Variants in PTPRR observed in about 807,000 individuals in gnomAD.
PTPRR encodes the protein receptor-type tyrosine-protein phosphatase R.
Under a neutral mutation model 77.2 loss-of-function variants are expected in PTPRR, and 38 were observed. The ratio of observed to expected loss-of-function variants is 0.49; its 90% CI spans 0.38 to 0.65. PTPRR has a LOEUF of 0.65. Among genes scored for constraint, PTPRR ranks in the 30% least tolerant of loss-of-function variants. The pLI is 0.00. For missense variants in PTPRR, 744 were observed against 799.2 expected (o/e 0.93, Z 0.83); for synonymous variants, 299 against 283.1 (o/e 1.06, Z -0.57).
intron 10 of PTPRR, among the ~76,000 whole-genome samples, chr12:70,676,921 A>T (rs1887470765): frequency 6.6e-6 from 1 of 151,656 alleles, no homozygotes; most frequent in Non-Finnish European, 1.5e-5. Flanking sequence ...GCTTCATACA[A>T]ATTTTAGGAT....
chr12:70,872,175 GA>G (rs1179009595), intron 2 of PTPRR, among the ~76,000 whole-genome samples: 1 of 151,848 alleles, frequency 6.6e-6, no homozygotes, highest in Non-Finnish European at 1.5e-5. Context: ...AATGTAAACA[GA>G]AATTACATTT....
intron 6 of PTPRR, among the ~76,000 whole-genome samples, chr12:70,739,725 A>T (rs767573183): frequency 6.6e-6 from 1 of 152,192 alleles, no homozygotes; most frequent in Non-Finnish European, 1.5e-5. Context: ...CTGAGAATTT[A>T]TAGGTGTTAT....
chr12:70,682,066 C>T (rs1227090343), intron 10 of PTPRR, among the ~76,000 whole-genome samples: 3 of 86,852 alleles, frequency 3.5e-5, no homozygotes, highest in Non-Finnish European at 6.2e-5. Context: ...TTTTTTGAGA[C>T]GGAGTCTCGC....
chr12:70,784,155 G>A (rs903968143), intron 2 of PTPRR, among the ~76,000 whole-genome samples: 4 of 152,196 alleles, frequency 2.6e-5, no homozygotes, highest in African/African-American at 9.6e-5. Context: ...CCTGACTTGG[G>A]CAGCTGCAGC....
At chr12:70,731,589 C>T (rs1410475606) in intron 6 of PTPRR, among the ~76,000 whole-genome samples, 1 of 152,178 alleles carries the variant, frequency 6.6e-6, no homozygotes, top group Non-Finnish European at 1.5e-5. Flanking sequence ...GGGGCCACGA[C>T]CACAGACCTT....
chr12:70,841,917 T>A (rs141911072), intron 2 of PTPRR, among the ~76,000 whole-genome samples: 13 of 152,332 alleles, frequency 8.5e-5, no homozygotes, highest in African/African-American at 3.1e-4. Flanking sequence ...GCCTTCCCAT[T>A]GTTATCTCCA....
intron 12 of PTPRR, among the ~76,000 whole-genome samples, chr12:70,658,315 C>T (rs1182866753): frequency 2.6e-5 from 4 of 152,168 alleles, no homozygotes; most frequent in Admixed American, 6.5e-5. Flanking sequence ...TCTTCAGCTC[C>T]CATGGTTGGA....
At chr12:70,903,583 T>C (rs1462480759) in intron 1 of PTPRR, among the ~76,000 whole-genome samples, 3 of 151,786 alleles carry the variant, frequency 2.0e-5, no homozygotes, top group African/African-American at 7.2e-5. Flanking sequence ...CAAAATTAAC[T>C]AAAAAGTTTC....
At chr12:70,795,144 T>C (rs2137013642) in intron 2 of PTPRR, among the ~76,000 whole-genome samples, 1 of 152,298 alleles carries the variant, frequency 6.6e-6, no homozygotes, top group Admixed American at 6.5e-5. Context: ...TACTCTAACA[T>C]ATTCTCCTTG....
chr12:70,661,748 C>T (rs61930338), intron 11 of PTPRR, among the ~76,000 whole-genome samples: 3,920 of 152,144 alleles, frequency 0.026, 77 homozygotes, highest in South Asian at 0.11. Context: ...CAAACTTCCC[C>T]GGCACTCCAG....
At chr12:70,738,613 G>T (rs1289399256) in intron 6 of PTPRR, among the ~76,000 whole-genome samples, 1 of 152,216 alleles carries the variant, frequency 6.6e-6, no homozygotes, top group East Asian at 1.9e-4. Context: ...AAAATGTGCA[G>T]AATCTTTCAG....
chr12:70,708,568 C>T (rs1227645794), intron 6 of PTPRR, among the ~76,000 whole-genome samples: 2 of 151,672 alleles, frequency 1.3e-5, no homozygotes, highest in African/African-American at 4.8e-5. Context: ...AATTTTTACT[C>T]CTTTTTTTTT....
chr12:70,715,761 T>C (rs1359750913), intron 6 of PTPRR, among the ~76,000 whole-genome samples: 2 of 152,206 alleles, frequency 1.3e-5, no homozygotes, highest in Non-Finnish European at 2.9e-5. Flanking sequence ...TCCCTGAACA[T>C]TGCTGTTTTC....
intron 2 of PTPRR, among the ~76,000 whole-genome samples, chr12:70,838,334 A>G (rs1439453985): frequency 6.6e-6 from 1 of 152,184 alleles, no homozygotes; most frequent in Non-Finnish European, 1.5e-5. Context: ...AAGCAATCCA[A>G]TTTGCTTAAG....
chr12:70,826,145 GGGAGGGGTAGGAAA>G (rs1892104791), intron 2 of PTPRR, among the ~76,000 whole-genome samples: 4 of 152,306 alleles, frequency 2.6e-5, no homozygotes, highest in Admixed American at 2.6e-4. Flanking sequence ...AAGGAGGATA[GGGAGGGGTAGGAAA>G]GCAAGAGAAA....
intron 2 of PTPRR, among the ~76,000 whole-genome samples, chr12:70,816,966 G>C (rs1592773682): frequency 6.6e-6 from 1 of 152,074 alleles, no homozygotes; most frequent in African/African-American, 2.4e-5. Context: ...AATATTTATA[G>C]AATGATCACA....
At chr12:70,744,244 G>A (rs1294630241) in intron 6 of PTPRR, among the ~76,000 whole-genome samples, 4 of 152,178 alleles carry the variant, frequency 2.6e-5, no homozygotes, top group South Asian at 2.1e-4. Context: ...ACCCAGGAAC[G>A]GCAGGGCTGG....
intron 2 of PTPRR, among the ~76,000 whole-genome samples, chr12:70,815,240 G>C (rs933979399): frequency 1.3e-5 from 2 of 151,600 alleles, no homozygotes; most frequent in African/African-American, 4.8e-5. Flanking sequence ...TGGAGAAGAA[G>C]GGATTGGTAA....
intron 2 of PTPRR, among the ~76,000 whole-genome samples, chr12:70,831,613 G>T (rs556108740): frequency 6.6e-6 from 1 of 152,284 alleles, no homozygotes; most frequent in East Asian, 1.9e-4. Flanking sequence ...AAATAGAGCA[G>T]CCCACACAAG....
Sources: allele counts gnomAD v4.1 joint callset (sites outside exome capture counted in the v4.1 genomes callset), GRCh38; gene constraint gnomAD v4.1.1; transcripts MANE v1.5; gene names NCBI Gene and HGNC (gene_info 2026-07-23, HGNC 2026-07-21).